The following GPHN variants were observed in gnomAD, a reference collection of about 807,000 sequenced individuals.
GPHN encodes the protein gephyrin.
Under a neutral mutation model 95.5 loss-of-function variants are expected in GPHN, and 17 were observed. The ratio of observed to expected loss-of-function variants is 0.18; its 90% confidence interval spans 0.12 to 0.27. The LOEUF is 0.27. GPHN is among the 10% of genes least tolerant of loss of function. The pLI is 1.00. For missense variants in GPHN, 660 were observed against 978.1 expected (o/e 0.67, Z 4.34); for synonymous variants, 320 against 322.5 (o/e 0.99, Z 0.08).
chr14:67,347,580 C>T, the GPHN span: 2 of 722,912 alleles, frequency 2.8e-6, no homozygotes, highest in South Asian at 1.9e-5. Flanking sequence ...CGCCTCACCG[C>T]AACCTCTGCC....
intron 2 of GPHN, among the ~76,000 whole-genome samples, chr14:66,681,679 A>AT (rs2066938835): frequency 6.6e-6 from 1 of 151,970 alleles, no homozygotes. Flanking sequence ...TCAGTTTTTA[A>AT]TTTTTTTGCT....
the GPHN span, among the ~76,000 whole-genome samples, chr14:67,318,994 C>T: frequency 1.3e-5 from 2 of 151,254 alleles, no homozygotes; most frequent in South Asian, 2.1e-4. Flanking sequence ...GGAGGCGGAG[C>T]TTGCAGTGAG....
intron 3 of GPHN, among the ~76,000 whole-genome samples, chr14:66,780,836 A>G (rs2059578720): frequency 6.6e-6 from 1 of 152,240 alleles, no homozygotes; most frequent in African/African-American, 2.4e-5. Flanking sequence ...AATGTGAAGC[A>G]TACGGATGTA....
intron 20 of GPHN, among the ~76,000 whole-genome samples, chr14:67,167,121 C>T (rs2082326289): frequency 6.6e-6 from 1 of 152,118 alleles, no homozygotes; most frequent in African/African-American, 2.4e-5. Context: ...GACACATGCT[C>T]ACTATTGTAA....
chr14:67,303,710 T>A, the GPHN span: 1 of 712,432 alleles, frequency 1.4e-6, no homozygotes, highest in East Asian at 3.2e-5. Context: ...ATAAATTCAA[T>A]CATTTTTATT....
At chr14:67,536,936 A>T in the GPHN span, among the ~76,000 whole-genome samples, 31 of 151,596 alleles carry the variant, frequency 2.0e-4, no homozygotes, top group Non-Finnish European at 1.8e-4. Flanking sequence ...GCTACTCAGG[A>T]GGCTGAGGCA....
chr14:66,845,845 GTGTGTGTGTGTGTGTC>G lies in GPHN; in HGVS notation c.294+21286_294+21301del, dbSNP rs2062306040. 4.6e-5 allele frequency among the ~76,000 whole-genome samples: 7 copies of G among 151,848 alleles called. No homozygotes were observed. The South Asian group carries it at 1.5e-3, about 32-fold the overall frequency. Reference sequence around the variant, plus strand: ...TGTGTGTGTGTGTGTGTGTGTGTGTGTGTGTGTGTGTGTGTCTGTGTGCGTGCGCACACGTGAACGT... The same window carrying G: ...TGTGTGTGTGTGTGTGTGTGTGTGTGTGTGTGCGTGCGCACACGTGAACGT... On this transcript the variant is annotated intron_variant, in intron 4 of 22. Coordinates refer to ENST00000478722, the MANE Select transcript of GPHN (RefSeq NM_020806.5).
intron 4 of GPHN, among the ~76,000 whole-genome samples, chr14:66,834,051 A>G (rs559553309): frequency 6.6e-6 from 1 of 152,266 alleles, no homozygotes; most frequent in South Asian, 2.1e-4. Context: ...AGACAACTCT[A>G]CTTGTTTGAA....
chr14:67,425,602 T>C, the GPHN span, among the ~76,000 whole-genome samples: 2 of 152,172 alleles, frequency 1.3e-5, no homozygotes, highest in Non-Finnish European at 2.9e-5. Flanking sequence ...AAACTGTTTC[T>C]CCCGGCAAGA....
At chr14:66,851,269 TG>T (rs2062571713) in intron 4 of GPHN, among the ~76,000 whole-genome samples, 1 of 151,866 alleles carries the variant, frequency 6.6e-6, no homozygotes, top group South Asian at 2.1e-4. Context: ...TCCCAGAAAA[TG>T]GCCCTTGTTC....
chr14:66,517,995 G>T (rs1329552554), intron 1 of GPHN, among the ~76,000 whole-genome samples: 1 of 151,856 alleles, frequency 6.6e-6, no homozygotes, highest in Non-Finnish European at 1.5e-5. Flanking sequence ...CCAACAGAAT[G>T]AAAGGCAGCC....
At chr14:66,609,689 A>C (rs983498753) in intron 1 of GPHN, among the ~76,000 whole-genome samples, 1 of 152,130 alleles carries the variant, frequency 6.6e-6, no homozygotes, top group Non-Finnish European at 1.5e-5. Context: ...CTGGTCTTCA[A>C]GCTCTGAGCT....
chr14:66,884,039 G>A (rs1241770415), intron 5 of GPHN, among the ~76,000 whole-genome samples: 1 of 151,990 alleles, frequency 6.6e-6, no homozygotes, highest in African/African-American at 2.4e-5. Context: ...AACTCCCTTT[G>A]CAATTATGTA....
At chr14:66,803,250 C>A (rs180848478) in intron 3 of GPHN, among the ~76,000 whole-genome samples, 4 of 152,262 alleles carry the variant, frequency 2.6e-5, no homozygotes, top group Admixed American at 2.6e-4. Context: ...CTGTCCTTCT[C>A]CCCAGGGCAC....
chr14:66,848,898 A>G (rs2062454688), intron 4 of GPHN, among the ~76,000 whole-genome samples: 2 of 151,978 alleles, frequency 1.3e-5, no homozygotes, highest in African/African-American at 4.8e-5. Context: ...CTGGGAGCAC[A>G]CCATATATAC....
chr14:67,383,352 C>G, the GPHN span: 2 of 1,613,386 alleles, frequency 1.2e-6, no homozygotes, highest in Non-Finnish European at 1.7e-6. Flanking sequence ...ACTGAACTTG[C>G]GAGGCAGATG....
At chr14:66,744,281 T>G (rs549126805) in intron 2 of GPHN, among the ~76,000 whole-genome samples, 2 of 152,360 alleles carry the variant, frequency 1.3e-5, no homozygotes, top group Non-Finnish European at 2.9e-5. Flanking sequence ...ATTCTTTGTC[T>G]TCTTGATCTC....
At chr14:67,691,582 A>C in the GPHN span, 1 of 223,292 alleles carries the variant, frequency 4.5e-6, no homozygotes, top group Non-Finnish European at 8.9e-6. Flanking sequence ...AAGCAAGAGA[A>C]AAAAGAATGT....
chr14:66,860,093 G>A (rs773803252), intron 4 of GPHN, among the ~76,000 whole-genome samples: 7 of 152,028 alleles, frequency 4.6e-5, no homozygotes, highest in Non-Finnish European at 8.8e-5. Flanking sequence ...TCCAAACCTC[G>A]AGAAAAATAT....
Sources: allele counts gnomAD v4.1 joint callset (sites outside exome capture counted in the v4.1 genomes callset), GRCh38; gene constraint gnomAD v4.1.1; transcripts MANE v1.5; gene names NCBI Gene and HGNC (gene_info 2026-07-23, HGNC 2026-07-21).